Variants in SLC48A1 observed in about 807,000 individuals in gnomAD.
SLC48A1 encodes the protein heme transporter HRG1.
SLC48A1 carries 6 observed loss-of-function variants against 14.8 expected under a neutral mutation model. That is an observed-to-expected ratio of 0.41 (90% CI 0.22 to 0.80). The LOEUF (loss-of-function observed/expected upper bound fraction) is 0.80. Among genes scored for constraint, SLC48A1 ranks in the 30% least tolerant of loss-of-function variants. The pLI is 0.34. For synonymous variants in SLC48A1, 89 were observed against 90.0 expected, an observed-to-expected ratio of 0.99 and a Z score of 0.06; for missense variants, 165 against 204.8, an observed-to-expected ratio of 0.81 and a Z score of 1.19.
At chr12:47,769,013 T>C (rs1206764541), upstream of SLC48A1, 1 of 152,222 alleles carries the variant, frequency 6.6e-6, no homozygotes, top group African/African-American at 2.4e-5. Context: ...CAAGCCTAGG[T>C]TCTTTCCATT....
At chr12:47,757,071 A>G (rs1442792653), upstream of SLC48A1, among the ~76,000 whole-genome samples, 1 of 152,142 alleles carries the variant, frequency 6.6e-6, no homozygotes, top group African/African-American at 2.4e-5. Flanking sequence ...AGGCAGGTGG[A>G]TTGCTTGGGC....
intron 1 of SLC48A1, 37 bp from the exon 2 acceptor site, chr12:47,778,991 C>A: frequency 6.5e-7 from 1 of 1,539,674 alleles, no homozygotes; most frequent in Non-Finnish European, 8.8e-7. Flanking sequence ...GGCTCTGGAG[C>A]ACCCTGGGGA....
chr12:47,774,951 G>A (rs965297972), intron 1 of SLC48A1, among the ~76,000 whole-genome samples: 6 of 152,194 alleles, frequency 3.9e-5, no homozygotes, highest in East Asian at 1.9e-4. Context: ...GGAAGGCGGC[G>A]TCAGAGCCCT....
At position 47,780,648 on chromosome 12, in the gene SLC48A1, C is replaced by T. The variant is rs1316140774; in HGVS notation, c.*367C>T. ...GTAGTGCGATCTCAGCTCACTGCAACCTCCGCCTCCCAGGTTCAAGCAATT... is the reference window on the plus strand; with the variant it reads ...GTAGTGCGATCTCAGCTCACTGCAATCTCCGCCTCCCAGGTTCAAGCAATT... On this transcript the variant is annotated 3_prime_UTR_variant, in exon 3 of 3. Coordinates refer to ENST00000442218, the MANE Select transcript of SLC48A1 (RefSeq NM_017842.3). 1 of 415,024 alleles carries T rather than the reference C, an allele frequency of 2.4e-6. No homozygotes were observed. Among genetic ancestry groups the T allele is most frequent in the Admixed American group, 3.0e-5 (1 of 33,898 alleles). 25.7% of individuals were successfully genotyped at this position (415,024 alleles called of 1,614,324 possible).
chr12:47,776,291 C>T (rs1216760130), intron 1 of SLC48A1, among the ~76,000 whole-genome samples: 1 of 152,252 alleles, frequency 6.6e-6, no homozygotes, highest in African/African-American at 2.4e-5. Context: ...AGCAGGGGCT[C>T]TGCTCCTTGA....
upstream of SLC48A1, chr12:47,758,434 TCTC>T: frequency 2.6e-6 from 4 of 1,566,308 alleles, no homozygotes; most frequent in Non-Finnish European, 3.5e-6. Flanking sequence ...CTTAAACCCT[TCTC>T]CTCTCCTCCT....
chr12:47,774,850 C>G (rs1271809005), intron 1 of SLC48A1, among the ~76,000 whole-genome samples: 1 of 152,300 alleles, frequency 6.6e-6, no homozygotes, highest in South Asian at 2.1e-4. Flanking sequence ...AGTTCCTTTC[C>G]CCACTGCACC....
At chr12:47,754,856 G>A (rs527575890), upstream of SLC48A1, among the ~76,000 whole-genome samples, 78 of 152,324 alleles carry the variant, frequency 5.1e-4, 1 homozygote, top group African/African-American at 1.8e-3. Context: ...TTCCTGAACA[G>A]AAAGGGTTCA....
chr12:47,758,235 A>G, upstream of SLC48A1: 1 of 1,435,182 alleles, frequency 7.0e-7, no homozygotes, highest in Non-Finnish European at 9.1e-7. Context: ...AGGAACAGGA[A>G]GACCTTCACT....
intron 2 of SLC48A1, among the ~76,000 whole-genome samples, chr12:47,766,339 C>T (rs1942514298): frequency 6.6e-6 from 1 of 152,078 alleles, no homozygotes; most frequent in East Asian, 1.9e-4. Context: ...TATTCTCTCA[C>T]TCCTCACAGT....
Position 47,781,118 on chromosome 12 carries a change from C to T in SLC48A1, c.*837C>T. On this transcript the variant is annotated 3_prime_UTR_variant, in exon 3 of 3. Coordinates refer to ENST00000442218, the MANE Select transcript of SLC48A1 (RefSeq NM_017842.3). ...ATCCTGTTGTTCCCAGAGCTGGTCT[C>T]CCATGAGTGTGCTAGAGCCAGATAG... 3.0e-6 allele frequency: 1 copy of T among 336,406 alleles called. No homozygotes were observed. Among genetic ancestry groups the T allele is most frequent in the Non-Finnish European group, 5.8e-6 (1 of 171,432 alleles). The allele number at this position is 336,406 out of a possible 1,614,324, so 20.8% of individuals were successfully genotyped here.
chr12:47,759,349 C>T (rs73304423), intron 1 of SLC48A1, among the ~76,000 whole-genome samples: 13,480 of 151,260 alleles, frequency 0.089, 728 homozygotes, highest in Middle Eastern at 0.12. Context: ...GGCGGCTTTC[C>T]CGCGGGGAAT....
At chr12:47,779,747 A>G (rs1474408745) in intron 2 of SLC48A1, among the ~76,000 whole-genome samples, 1 of 152,216 alleles carries the variant, frequency 6.6e-6, no homozygotes, top group Non-Finnish European at 1.5e-5. Context: ...ACCAGGCCAC[A>G]CAGCAGGTGA....
chr12:47,756,314 G>T (rs956078177), upstream of SLC48A1: 4 of 152,218 alleles, frequency 2.6e-5, no homozygotes, highest in Non-Finnish European at 4.4e-5. Context: ...GCTTCCACAA[G>T]CTGGGAAGGG....
At position 47,780,424 on chromosome 12, in the gene SLC48A1, G is replaced by A; in HGVS notation, c.*143G>A. 1 of 1,325,486 alleles carries A rather than the reference G, an allele frequency of 7.5e-7. No homozygotes were observed. The highest frequency in any genetic ancestry group is 1.1e-6 in the Non-Finnish European group (1 of 917,346). 82.1% of individuals were successfully genotyped at this position (1,325,486 alleles called of 1,614,324 possible). ...ACAGCAGGACGAGTGTGGTCTCCCA[G>A]GAAGCTGTCCTGCCCGTCCCCTTTC... On this transcript the variant is annotated 3_prime_UTR_variant, in exon 3 of 3. Transcript: ENST00000442218.
upstream of SLC48A1, chr12:47,773,224 C>T (rs1480085650): frequency 3.6e-6 from 4 of 1,106,602 alleles, no homozygotes; most frequent in Admixed American, 5.2e-5. Flanking sequence ...GCGGCTCCCG[C>T]GGCTCCGGCT....
At chr12:47,758,448 C>G (rs910580692), upstream of SLC48A1, 4 of 1,582,490 alleles carry the variant, frequency 2.5e-6, no homozygotes, top group Non-Finnish European at 3.4e-6. Flanking sequence ...CTCTCCTCCT[C>G]AGCCCTGACT....
upstream of SLC48A1, chr12:47,773,124 C>T (rs1050486533): frequency 6.6e-5 from 60 of 905,188 alleles, 1 homozygote; most frequent in African/African-American, 9.7e-4. Context: ...TCTGCGGTTC[C>T]GGGCGCGGGC....
intron 1 of SLC48A1, among the ~76,000 whole-genome samples, chr12:47,774,930 C>A (rs1205778524): frequency 6.6e-6 from 1 of 152,200 alleles, no homozygotes; most frequent in East Asian, 1.9e-4. Flanking sequence ...GGCCCTGTTG[C>A]TTTCCCCTCT....
Sources: allele counts gnomAD v4.1 joint callset (sites outside exome capture counted in the v4.1 genomes callset), GRCh38; gene constraint gnomAD v4.1.1; transcripts MANE v1.5; gene names NCBI Gene and HGNC (gene_info 2026-07-23, HGNC 2026-07-21).